Variants in ABCA5 observed in about 807,000 individuals in gnomAD.
The protein encoded by ABCA5 is ATP binding cassette subfamily A member 5.
ABCA5 carries 163 observed loss-of-function variants against 206.0 expected under a neutral mutation model. The ratio of observed to expected loss-of-function variants is 0.79; its 90% CI spans 0.70 to 0.90. ABCA5 has a LOEUF of 0.90. Among genes scored for constraint, ABCA5 ranks in the 40% least tolerant of loss-of-function variants. The pLI, the probability that ABCA5 is intolerant of heterozygous loss-of-function variation, is 0.00. For synonymous variants in ABCA5, 609 were observed against 613.8 expected, an observed-to-expected ratio of 0.99 and a Z score of 0.11; for missense variants, 1,859 against 1,912.9, an observed-to-expected ratio of 0.97 and a Z score of 0.53.
rs2075897439 is a variant in ABCA5 at position 69,326,487 on chromosome 17, G to C, written c.-16+565C>G. ...ATTTCCATGCCTGGAGCTCCTATTC[G>C]TGTTTTAGGATCAGGGAATTTCCCT... On this transcript the variant is annotated intron_variant, in intron 1 of 38. Coordinates refer to ENST00000392676, the MANE Select transcript of ABCA5 (RefSeq NM_172232.4). The surrounding 1 kb of genome is among the most constrained non-coding windows in gnomAD (Gnocchi z 4.8). Among the ~76,000 whole-genome samples the C allele has an allele frequency of 6.6e-6, 1 of 152,100 alleles. No homozygotes were observed. Among genetic ancestry groups the C allele is most frequent in the South Asian group, 2.1e-4 (1 of 4,828 alleles).
At chr17:69,256,536 A>T (rs556894415) in intron 28 of ABCA5, among the ~76,000 whole-genome samples, 34 of 149,980 alleles carry the variant, frequency 2.3e-4, no homozygotes, top group Middle Eastern at 3.5e-3. Flanking sequence ...GGTCACTATA[A>T]CCTCTGCCTC....
At position 69,245,430 on chromosome 17, in the gene ABCA5, T is replaced by C. The variant is rs1410495027; in HGVS notation, c.*2107A>G. ...AATTTAAGACATTTTAAAATTAGTA[T>C]GTTCATAAACATGAACTGTACACTG... On this transcript the variant is annotated 3_prime_UTR_variant, in exon 39 of 39. Transcript: ENST00000392676. The C allele has an allele frequency of 1.3e-5, 2 of 152,128 alleles. No individual in the cohort carries two copies. The highest frequency in any genetic ancestry group is 1.9e-4 in the East Asian group (1 of 5,184). The allele number at this position is 152,128 out of a possible 1,614,324, so 9.4% of individuals were successfully genotyped here. A position where few individuals can be genotyped will look rare whatever the true frequency, so the allele number is the denominator to read the frequency against.
intron 5 of ABCA5, 46 bp downstream of exon 5, chr17:69,308,234 T>C: frequency 1.6e-6 from 2 of 1,270,172 alleles, no homozygotes; most frequent in Non-Finnish European, 2.3e-6. Flanking sequence ...GAAATATTTA[T>C]TTTAAAATGG....
chr17:69,249,744 C>A, intron 37 of ABCA5, 161 bp downstream of exon 37: 1 of 906,430 alleles, frequency 1.1e-6, no homozygotes, highest in Admixed American at 3.2e-5. Flanking sequence ...AAACCGAGTC[C>A]CCAGTTTTAA....
chr17:69,305,121 G>A (rs1567779164), intron 6 of ABCA5, among the ~76,000 whole-genome samples: 1 of 152,084 alleles, frequency 6.6e-6, no homozygotes, highest in Non-Finnish European at 1.5e-5. Context: ...AGCACACAAT[G>A]TCTCTGATTT....
chr17:69,268,088 CTG>C, intron 22 of ABCA5, 32 bp from the exon 23 acceptor site: 1 of 1,001,432 alleles, frequency 1.0e-6, no homozygotes, highest in Non-Finnish European at 1.6e-6. Flanking sequence ...ACAAATGGAA[CTG>C]AGAATCATTT....
intron 9 of ABCA5, among the ~76,000 whole-genome samples, chr17:69,299,907 T>C (rs982026352): frequency 1.7e-4 from 26 of 152,096 alleles, no homozygotes; most frequent in Admixed American, 4.6e-4. Flanking sequence ...GGTATGTAAC[T>C]AGATGAGAGA....
At chr17:69,253,710 C>A in intron 33 of ABCA5, 43 bp from the exon 34 acceptor site, 2 of 1,587,514 alleles carry the variant, frequency 1.3e-6, no homozygotes, top group Middle Eastern at 1.7e-4. Flanking sequence ...AACAAAGGTT[C>A]ACTATAAGGA....
In ABCA5 at chr17:69,297,173, C is replaced by G. The variant is rs771628617; in HGVS notation, c.1436+18G>C. 1 of 1,599,926 alleles carries G rather than the reference C, an allele frequency of 6.3e-7. No homozygotes were observed. Among genetic ancestry groups the G allele is most frequent in the Non-Finnish European group, 8.5e-7 (1 of 1,176,296 alleles). ...ATCAGCAGTTCTTATACCTAAATTG[C>G]CAAAGATTGAACCATACCTTATGGC... On this transcript the variant is annotated intron_variant, in intron 10 of 38. Transcript: ENST00000392676.
intron 14 of ABCA5, among the ~76,000 whole-genome samples, chr17:69,287,971 G>A (rs2075478258): frequency 6.6e-6 from 1 of 152,072 alleles, no homozygotes; most frequent in South Asian, 2.1e-4. Context: ...AAGACTGCCT[G>A]TAATACACAA....
At chr17:69,264,139 A>G (rs1360815967) in intron 24 of ABCA5, among the ~76,000 whole-genome samples, 1 of 152,186 alleles carries the variant, frequency 6.6e-6, no homozygotes, top group African/African-American at 2.4e-5. Context: ...CAGTATGGCC[A>G]CTTTAATATA....
intron 11 of ABCA5, among the ~76,000 whole-genome samples, chr17:69,293,364 G>A (rs916090533): frequency 3.3e-5 from 5 of 152,118 alleles, no homozygotes; most frequent in African/African-American, 1.2e-4. Context: ...GGAAACTCAC[G>A]CAAGAATCTG....
intron 15 of ABCA5, among the ~76,000 whole-genome samples, chr17:69,286,883 T>C (rs566123897): frequency 2.6e-5 from 4 of 152,278 alleles, no homozygotes; most frequent in African/African-American, 9.6e-5. Context: ...ATTCTTTATA[T>C]GTATGTATGT....
chr17:69,302,821 C>T lies in ABCA5; in HGVS notation c.1016G>A (p.Gly339Glu). 6.3e-7 allele frequency: 1 copy of T among 1,597,642 alleles called. No individual in the cohort carries two copies. Among genetic ancestry groups the T allele is most frequent in the Non-Finnish European group, 8.5e-7 (1 of 1,175,526 alleles). The stretch of plus-strand genomic sequence containing the variant: ...GAGGATTATCATAAGGCCAATAAAT[C>T]CAAAAGCCACAGTAACAAAAAATTC... ...IVEFFVTVAF[G>E]FIGLMIILIE... The change falls in exon 8 of 39, where the codon GGA becomes GAA. Residue 339 changes from glycine (G) to glutamate (E), a missense_variant. Coordinates refer to ENST00000392676, the MANE Select transcript of ABCA5 (RefSeq NM_172232.4).
rs540293855 is a variant in ABCA5 at position 69,255,051 on chromosome 17, G to A, written c.4068+492C>T. ...TATAGCCAAACAAAGAAAACATCTT[G>A]GGCAAAAACCCAAAGAAAAGAGTAT... On this transcript the variant is annotated intron_variant, in intron 31 of 38. Coordinates refer to ENST00000392676, the MANE Select transcript of ABCA5 (RefSeq NM_172232.4). Among the ~76,000 whole-genome samples, 56 of 152,256 alleles carry A rather than the reference G, an allele frequency of 3.7e-4. No homozygotes were observed. In the Middle Eastern group the frequency reaches 0.014, roughly 37 times the overall value.
rs1020338913 is a variant in ABCA5 at position 69,246,405 on chromosome 17, G to A, written c.*1132C>T. 1 of 125,208 alleles carries A rather than the reference G, an allele frequency of 8.0e-6. No homozygotes were observed. The highest frequency in any genetic ancestry group is 2.9e-4 in the South Asian group (1 of 3,486). 7.8% of individuals were successfully genotyped at this position (125,208 alleles called of 1,614,324 possible). A position where few individuals can be genotyped will look rare whatever the true frequency, so the allele number is the denominator to read the frequency against. On this transcript the variant is annotated 3_prime_UTR_variant, in exon 39 of 39. Transcript: ENST00000392676. Reference sequence around the variant, plus strand: ...TATACCTTGAGCCAATACATGGGTTGTACAAGGAAGTATTTCTAAGAAAAT... The same window carrying A: ...TATACCTTGAGCCAATACATGGGTTATACAAGGAAGTATTTCTAAGAAAAT...
chr17:69,273,447 C>CTATTTATTTATTTATT (rs144553920), intron 20 of ABCA5, among the ~76,000 whole-genome samples: 25,971 of 144,550 alleles, frequency 0.18, 3,187 homozygotes, highest in East Asian at 0.53. Flanking sequence ...ATTTTTTTAA[C>CTATTTATTTATTTATT]TATTTATTTA....
At position 69,302,906 on chromosome 17, in the gene ABCA5, C is replaced by T; in HGVS notation, c.931G>A (p.Val311Ile). ...LLFFLYGLSS[V>I]FFALMLTPLF... ...GGTGTCAGCATTAAAGCAAAAAATA[C>T]CTATAAAATACAAATATTAAGGTTA... Residue 311 changes from valine (V) to isoleucine (I), a missense_variant and splice_region_variant, in exon 8 of 39, where the codon GTA becomes ATA. Val to Ile is a conservative substitution (Grantham distance 29). Transcript: ENST00000392676. 1.4e-6 allele frequency: 2 copies of T among 1,466,670 alleles called. No individual in the cohort carries two copies. The highest frequency in any genetic ancestry group is 1.8e-6 in the Non-Finnish European group (2 of 1,095,228). The allele number at this position is 1,466,670 out of a possible 1,614,324, so 90.9% of individuals were successfully genotyped here.
At chr17:69,309,927 G>A (rs1015223655) in intron 3 of ABCA5, among the ~76,000 whole-genome samples, 2 of 152,104 alleles carry the variant, frequency 1.3e-5, no homozygotes, top group East Asian at 1.9e-4. Context: ...CTACTCAGCT[G>A]TCATTTGATT....
Sources: gnomAD v4.1 joint callset for allele counts (sites outside exome capture counted in the v4.1 genomes callset) on GRCh38, gnomAD v4.1.1 for gene constraint, Gnocchi (gnomAD v3.1) non-coding constraint, MANE v1.5 for transcripts, NCBI Gene and HGNC (gene_info 2026-07-23, HGNC 2026-07-21) for gene names.